F11: variants seen among roughly 807,000 people sequenced by gnomAD.
F11 encodes the protein coagualtion factor XI.
A neutral mutation model predicts 76.5 loss-of-function variants in F11; 78 were observed. The ratio of observed to expected loss-of-function variants is 1.02; its 90% CI spans 0.85 to 1.23. The LOEUF is 1.23. Ranked by LOEUF, F11 falls within the 50% of genes most tolerant of loss-of-function variation. F11 has a pLI of 0.00. For synonymous variants in F11, 278 were observed against 276.3 expected (o/e 1.01, Z -0.06); for missense variants, 742 against 771.4 (o/e 0.96, Z 0.45).
At chr4:186,272,947 T>A in intron 3 of F11, 124 bp from the exon 4 acceptor site, 6 of 653,728 alleles carry the variant, frequency 9.2e-6, no homozygotes, top group Non-Finnish European at 1.6e-5. Context: ...AGAAAATATT[T>A]GTTTTGGCAT....
At chr4:186,275,356 G>A (rs2055916) in intron 5 of F11, among the ~76,000 whole-genome samples, 75,558 of 151,914 alleles carry the variant, frequency 0.5, 19,273 homozygotes, top group East Asian at 0.78. Context: ...TTAGCCAGGC[G>A]CGGTGGTGGG....
At chr4:186,270,620 G>C (rs1739872166) in intron 2 of F11, among the ~76,000 whole-genome samples, 1 of 151,176 alleles carries the variant, frequency 6.6e-6, no homozygotes, top group Admixed American at 6.6e-5. Flanking sequence ...TTAGGAGGGG[G>C]ATATATTCTA....
chr4:186,276,105 TA>T (rs1000225845), intron 6 of F11, 125 bp from the exon 7 acceptor site: 362 of 1,166,728 alleles, frequency 3.1e-4, no homozygotes, highest in Non-Finnish European at 3.8e-4. Flanking sequence ...TTCTTCTAAA[TA>T]AAAAAAAATT....
rs188936924 is a variant in F11, at chr4:186,288,956, G to C, written c.*342G>C. On this transcript the variant is annotated 3_prime_UTR_variant, in exon 15 of 15. Transcript: ENST00000403665. The stretch of plus-strand genomic sequence containing the variant: ...GCAGTGGGGATCAGGCAGAAGAACT[G>C]GTAAAAGAAGCCACCATAAATAGAT... 31 of 317,092 alleles carry C rather than the reference G, an allele frequency of 9.8e-5. No homozygotes were observed. Among genetic ancestry groups the C allele is most frequent in the Non-Finnish European group, 1.3e-4 (22 of 163,356 alleles). The allele number at this position is 317,092 out of a possible 1,614,324, so 19.6% of individuals were successfully genotyped here.
intron 3 of F11, among the ~76,000 whole-genome samples, chr4:186,272,302 A>G (rs1016941912): frequency 6.6e-6 from 1 of 152,142 alleles, no homozygotes; most frequent in African/African-American, 2.4e-5. Flanking sequence ...ATGACACTTT[A>G]CCCCTAAATA....
intron 7 of F11, among the ~76,000 whole-genome samples, chr4:186,279,696 A>C (rs1457769991): frequency 6.6e-6 from 1 of 152,214 alleles, no homozygotes; most frequent in Non-Finnish European, 1.5e-5. Context: ...AGACTCTTGA[A>C]TCTTTAAGAT....
At chr4:186,275,129 A>G in intron 5 of F11, 1 of 456,838 alleles carries the variant, frequency 2.2e-6, no homozygotes, top group Non-Finnish European at 4.4e-6. Context: ...TCTAAGACTT[A>G]ACAGAATGTG....
chr4:186,288,721 G>T lies in F11; in HGVS notation c.*107G>T, dbSNP rs1741397066. The T allele has an allele frequency of 5.6e-6, 7 of 1,256,870 alleles. No homozygotes were observed. In the Admixed American group the frequency reaches 1.4e-4, roughly 25 times the overall value. 77.9% of individuals were successfully genotyped at this position (1,256,870 alleles called of 1,614,324 possible). A position where few individuals can be genotyped will look rare whatever the true frequency, so the allele number is the denominator to read the frequency against. On this transcript the variant is annotated 3_prime_UTR_variant, in exon 15 of 15. Coordinates refer to ENST00000403665, the MANE Select transcript of F11 (RefSeq NM_000128.4). Reference sequence around the variant, plus strand: ...CTTCCTCCACAGTAACACGCTGAAGGGGCTTGGTGTTTGTAAGAAAATGCT... The same window carrying T: ...CTTCCTCCACAGTAACACGCTGAAGTGGCTTGGTGTTTGTAAGAAAATGCT...
Position 186,288,631 on chromosome 4 carries a change from C to T in F11, c.*17C>T. 10 of 1,610,710 alleles carry T rather than the reference C, an allele frequency of 6.2e-6. No homozygotes were observed. The highest frequency in any genetic ancestry group is 8.5e-6 in the Non-Finnish European group (10 of 1,178,206). On this transcript the variant is annotated 3_prime_UTR_variant, in exon 15 of 15. Coordinates refer to ENST00000403665, the MANE Select transcript of F11 (RefSeq NM_000128.4). ...GCAGTGTGAATGGGTTCCCAGGGGCCATTGGAGTCCCTGAAGGACCCAGGA... is the reference window on the plus strand; with the variant it reads ...GCAGTGTGAATGGGTTCCCAGGGGCTATTGGAGTCCCTGAAGGACCCAGGA...
rs181710553 is a variant in F11, at chr4:186,288,982, T to G, written c.*368T>G. 3 of 287,998 alleles carry G rather than the reference T, an allele frequency of 1.0e-5. No homozygotes were observed. The highest frequency in any genetic ancestry group is 4.8e-5 in the Admixed American group (1 of 21,022). 17.8% of individuals were successfully genotyped at this position (287,998 alleles called of 1,614,324 possible). ...GTAAAAGAAGCCACCATAAATAGAT[T>G]TGTTCGATGAAAGATGAAAACTGGA... is the stretch of plus-strand genomic sequence containing the variant. On this transcript the variant is annotated 3_prime_UTR_variant, in exon 15 of 15. Transcript: ENST00000403665.
At chr4:186,272,883 C>A (rs1209209057) in intron 3 of F11, 188 bp from the exon 4 acceptor site, 3 of 546,548 alleles carry the variant, frequency 5.5e-6, no homozygotes, top group Non-Finnish European at 9.9e-6. Flanking sequence ...GTATTACATG[C>A]AGTCTCTTAA....
intron 7 of F11, among the ~76,000 whole-genome samples, chr4:186,277,664 G>A (rs1740484475): frequency 6.6e-6 from 1 of 152,194 alleles, no homozygotes. Context: ...AAGTGGGTTA[G>A]GGTGGTGGTG....
chr4:186,281,817 T>C, intron 10 of F11: 1 of 1,098,936 alleles, frequency 9.1e-7, no homozygotes, highest in Non-Finnish European at 1.2e-6. Context: ...TGTCAGATTA[T>C]CTGCTGTACC....
In F11 at chr4:186,284,220, G is replaced by A. The variant is rs1741011123; in HGVS notation, c.1264G>A (p.Gly422Arg). The stretch of plus-strand genomic sequence containing the variant: ...ACACCTGTGTGGAGGCTCCATCATT[G>A]GAAACCAGTGGATATTAACAGCCGC... ...QRHLCGGSIIGNQWILTAAHC... is the reference protein window; with the variant it reads ...QRHLCGGSIIRNQWILTAAHC... The change falls in exon 11 of 15, where the codon GGA becomes AGA. Residue 422 changes from glycine to arginine, a missense_variant. Transcript: ENST00000403665. 6.2e-7 allele frequency: 1 copy of A among 1,614,072 alleles called. No homozygotes were observed. The highest frequency in any genetic ancestry group is 1.3e-5 in the African/African-American group (1 of 74,918).
rs1446298288 is a variant in F11, at chr4:186,288,562, C to T, written c.1826C>T (p.Thr609Ile). The change falls in exon 15 of 15, where the codon ACC becomes ATC. Residue 609 changes from threonine to isoleucine, a missense_variant. Physicochemically the swap from Thr to Ile is moderately conservative, Grantham distance 89. Coordinates refer to ENST00000403665, the MANE Select transcript of F11 (RefSeq NM_000128.4). ...CAQRERPGVY[T>I]NVVEYVDWIL... is the part of the protein sequence containing the mutation. ...CAAAGGGAGCGGCCAGGTGTTTACA[C>T]CAACGTGGTCGAGTACGTGGACTGG... is the stretch of plus-strand genomic sequence containing the variant. 4 of 1,614,146 alleles carry T rather than the reference C, an allele frequency of 2.5e-6. No individual in the cohort carries two copies. Among genetic ancestry groups the T allele is most frequent in the Non-Finnish European group, 3.4e-6 (4 of 1,180,046 alleles).
At chr4:186,282,924 G>A (rs745408788) in intron 10 of F11, 4 of 985,136 alleles carry the variant, frequency 4.1e-6, no homozygotes, top group Non-Finnish European at 4.8e-6. Context: ...GGCCTAGAAA[G>A]GTTGTTTTAC....
Position 186,273,459 on chromosome 4 carries a change from C to CT in F11, c.325+293dup, listed in dbSNP as rs778708173. ...CCAGCCTAAAATCTTAAATGAAAGTCTTTTTTTTTTTGAGACAGGGTCTCA... is the reference window on the plus strand; with the variant it reads ...CCAGCCTAAAATCTTAAATGAAAGTCTTTTTTTTTTTTGAGACAGGGTCTCA... On this transcript the variant is annotated intron_variant, in intron 4 of 14. Coordinates refer to ENST00000403665, the MANE Select transcript of F11 (RefSeq NM_000128.4). Among the ~76,000 whole-genome samples, 1,378 of 147,128 alleles carry CT rather than the reference C, an allele frequency of 9.4e-3. 12 individuals are homozygous for CT. Among genetic ancestry groups the CT allele is most frequent in the African/African-American group, 0.018 (742 of 40,342 alleles).
intron 10 of F11, chr4:186,282,241 T>C (rs1016184210): frequency 3.0e-6 from 3 of 985,344 alleles, no homozygotes; most frequent in East Asian, 1.1e-4. Context: ...GTTGGATTTA[T>C]AGACTCTGGC....
intron 5 of F11, chr4:186,275,094 C>T (rs1740262703): frequency 2.2e-6 from 1 of 444,876 alleles, no homozygotes; most frequent in African/African-American, 2.0e-5. Context: ...TTATCTTTAG[C>T]TCAGCTCAGA....
Sources: gnomAD v4.1 joint callset for allele counts (sites outside exome capture counted in the v4.1 genomes callset) on GRCh38, gnomAD v4.1.1 for gene constraint, MANE v1.5 for transcripts, NCBI Gene and HGNC (gene_info 2026-07-23, HGNC 2026-07-21) for gene names.